The following CFAP144 variants were observed in gnomAD, a reference collection of about 807,000 sequenced individuals.
CFAP144 encodes the protein cilia- and flagella-associated protein 144.
the CFAP144 span, chr1:43,145,375 G>T: frequency 1.9e-6 from 2 of 1,070,174 alleles, no homozygotes; most frequent in Non-Finnish European, 2.8e-6. Context: ...GGTCCCTGCT[G>T]TAGATAGATG....
the CFAP144 span, among the ~76,000 whole-genome samples, chr1:43,154,937 G>C: frequency 6.6e-6 from 1 of 152,340 alleles, no homozygotes; most frequent in Non-Finnish European, 1.5e-5. Flanking sequence ...GCTGAAGGCA[G>C]GCTAGCAGGA....
chr1:43,149,185 C>T, the CFAP144 span, among the ~76,000 whole-genome samples: 1 of 152,204 alleles, frequency 6.6e-6, no homozygotes, highest in African/African-American at 2.4e-5. Context: ...CTTCTCATAG[C>T]CTCTGAGGTA....
At chr1:43,154,060 GTGTATATATATATATATATATATA>G in the CFAP144 span, among the ~76,000 whole-genome samples, 2 of 71,762 alleles carry the variant, frequency 2.8e-5, no homozygotes, top group African/African-American at 8.9e-5. Flanking sequence ...ATATATGTGT[GTGTATATATATATATATATATATA>G]TATATATATA....
the CFAP144 span, chr1:43,156,340 G>C: frequency 6.5e-7 from 1 of 1,536,156 alleles, no homozygotes; most frequent in Non-Finnish European, 9.0e-7. Flanking sequence ...CCCATCTGTG[G>C]ATCTAATGCC....
the CFAP144 span, among the ~76,000 whole-genome samples, chr1:43,155,722 A>G: frequency 6.6e-6 from 1 of 152,250 alleles, no homozygotes; most frequent in Non-Finnish European, 1.5e-5. Flanking sequence ...TTGGATAGAC[A>G]AGATACCTCC....
chr1:43,147,935 C>T, the CFAP144 span: 4 of 1,612,830 alleles, frequency 2.5e-6, no homozygotes, highest in African/African-American at 4.0e-5. Flanking sequence ...CAAGAGGGCG[C>T]GTGGCAGCCC....
the CFAP144 span, chr1:43,147,861 C>A: frequency 6.4e-7 from 1 of 1,561,190 alleles, no homozygotes; most frequent in Non-Finnish European, 8.7e-7. Context: ...TGCCTGGAGA[C>A]CACGGGACGC....
the CFAP144 span, among the ~76,000 whole-genome samples, chr1:43,143,480 G>A: frequency 6.6e-6 from 1 of 152,096 alleles, no homozygotes; most frequent in Non-Finnish European, 1.5e-5. Flanking sequence ...ATACCAGAGA[G>A]AATAGGTGAG....
the CFAP144 span, among the ~76,000 whole-genome samples, chr1:43,144,940 T>A: frequency 6.6e-6 from 1 of 152,172 alleles, no homozygotes; most frequent in African/African-American, 2.4e-5. Flanking sequence ...GACTGTGGAT[T>A]CCCAGCAGCT....
At chr1:43,145,888 A>C in the CFAP144 span, among the ~76,000 whole-genome samples, 17,605 of 152,228 alleles carry the variant, frequency 0.12, 1,487 homozygotes, top group East Asian at 0.3. Context: ...TTAGACAAAT[A>C]GACCAATGGC....
At chr1:43,147,702 G>C in the CFAP144 span, 1 of 900,746 alleles carries the variant, frequency 1.1e-6, no homozygotes. Context: ...CCGGGCCTGA[G>C]GAGCTGGGGC....
chr1:43,156,223 T>C, the CFAP144 span: 76 of 1,613,972 alleles, frequency 4.7e-5, no homozygotes, highest in African/African-American at 3.9e-4. Flanking sequence ...CAGAACGCCA[T>C]GACCGCAGGC....
chr1:43,151,566 T>C, the CFAP144 span, among the ~76,000 whole-genome samples: 1 of 152,110 alleles, frequency 6.6e-6, no homozygotes, highest in African/African-American at 2.4e-5. Context: ...CCGAGTTCTA[T>C]AGAAAGTTAC....
At chr1:43,144,621 C>T in the CFAP144 span, among the ~76,000 whole-genome samples, 1 of 152,080 alleles carries the variant, frequency 6.6e-6, no homozygotes, top group Non-Finnish European at 1.5e-5. Context: ...GGGGTTCTGC[C>T]CTATCTGTTA....
the CFAP144 span, among the ~76,000 whole-genome samples, chr1:43,143,250 A>T: frequency 6.6e-6 from 1 of 152,214 alleles, no homozygotes; most frequent in Non-Finnish European, 1.5e-5. Flanking sequence ...GAGAATAAGT[A>T]GAGTCTCTAC....
the CFAP144 span, chr1:43,147,843 A>G: frequency 1.3e-6 from 2 of 1,543,738 alleles, no homozygotes; most frequent in South Asian, 1.2e-5. Context: ...GCACTACCCG[A>G]GCGCTGTTGC....
chr1:43,154,210 A>T, the CFAP144 span, among the ~76,000 whole-genome samples: 1 of 142,592 alleles, frequency 7.0e-6, no homozygotes, highest in Non-Finnish European at 1.5e-5. Flanking sequence ...AATTATATAT[A>T]AATTATTATA....
the CFAP144 span, among the ~76,000 whole-genome samples, chr1:43,148,322 G>C: frequency 6.6e-6 from 1 of 152,098 alleles, no homozygotes; most frequent in African/African-American, 2.4e-5. Context: ...AAAAAAAAAA[G>C]TTGTAGGGCT....
At chr1:43,150,367 C>T in the CFAP144 span, among the ~76,000 whole-genome samples, 1 of 152,188 alleles carries the variant, frequency 6.6e-6, no homozygotes, top group Non-Finnish European at 1.5e-5. Context: ...CCCCATAGGC[C>T]AGCACTGTCC....
Sources: allele counts gnomAD v4.1 joint callset (sites outside exome capture counted in the v4.1 genomes callset), GRCh38; gene constraint gnomAD v4.1.1; transcripts MANE v1.5; gene names NCBI Gene and HGNC (gene_info 2026-07-23, HGNC 2026-07-21).